The following RETREG1 variants were observed in gnomAD, a reference collection of about 807,000 sequenced individuals.
RETREG1 encodes the protein reticulophagy regulator 1.
RETREG1 carries 44 observed loss-of-function variants against 54.8 expected under a neutral mutation model. That is an observed-to-expected ratio of 0.80 (90% confidence interval 0.63 to 1.03). The LOEUF is 1.03. RETREG1 is among the 50% of genes least tolerant of loss of function. RETREG1 has a pLI of 0.00. For synonymous variants in RETREG1, 217 were observed against 238.5 expected, an observed-to-expected ratio of 0.91 and a Z score of 0.83; for missense variants, 554 against 605.1, an observed-to-expected ratio of 0.92 and a Z score of 0.89.
chr5:16,475,227 G>C lies in RETREG1; in HGVS notation c.1008C>G (p.Asp336Glu), dbSNP rs751914179. 3 of 1,611,726 alleles carry C rather than the reference G, an allele frequency of 1.9e-6. No homozygotes were observed. The highest frequency in any genetic ancestry group is 2.5e-6 in the Non-Finnish European group (3 of 1,179,746). ...TAGAGAAAACTTCCTCACTGGGTCG[G>C]TCAAGATCTGTGAAATGGATAACAG... The part of the protein sequence containing the change: ...TPQTDTSDDL[D>E]RPSEEVFSRD... The change falls in exon 9 of 9, where the codon GAC becomes GAG. Residue 336 changes from aspartate (D) to glutamate (E), a missense_variant. Physicochemically the swap from Asp to Glu is conservative, Grantham distance 45. Around this residue, in one of 4 missense-constraint regions of RETREG1, gnomAD observed 347 missense variants for 412.3 expected, o/e 0.84. Coordinates refer to ENST00000306320, the MANE Select transcript of RETREG1 (RefSeq NM_001034850.3).
intron 3 of RETREG1, among the ~76,000 whole-genome samples, chr5:16,505,959 G>A (rs1739936522): frequency 6.6e-6 from 1 of 152,206 alleles, no homozygotes; most frequent in East Asian, 1.9e-4. Flanking sequence ...AGGGCATGGA[G>A]TCTCCAGAGG....
At chr5:16,534,243 C>T (rs186157962) in intron 3 of RETREG1, among the ~76,000 whole-genome samples, 25 of 152,324 alleles carry the variant, frequency 1.6e-4, no homozygotes, top group African/African-American at 6.0e-4. Flanking sequence ...CATGCCACTA[C>T]ACTCCAGCCT....
intron 3 of RETREG1, among the ~76,000 whole-genome samples, chr5:16,508,110 A>G (rs2126563092): frequency 6.6e-6 from 1 of 152,358 alleles, no homozygotes; most frequent in East Asian, 1.9e-4. Flanking sequence ...ATTTTCAACA[A>G]TAGGAACTGT....
In RETREG1 at chr5:16,572,058, A is replaced by T. The variant is rs1358489506; in HGVS notation, c.365T>A (p.Val122Asp). ...TPWRVYHLIS[V>D]MILGRVIMQI... ...CATAATAACACGCCCAAGTATCATG[A>T]CGGAAATCAGGTGATATACTCTCCA... Residue 122 changes from valine (V) to aspartate (D), a missense_variant, in exon 2 of 9, where the codon GTC (valine) becomes GAC (aspartate). By Grantham distance (152) the Val-to-Asp change is radical. This residue lies in a region of RETREG1 where 347 missense variants were observed against 412.3 expected (regional missense o/e 0.84). Coordinates refer to ENST00000306320, the MANE Select transcript of RETREG1 (RefSeq NM_001034850.3). 1.2e-6 allele frequency: 2 copies of T among 1,613,998 alleles called. No individual in the cohort carries two copies. Among genetic ancestry groups the T allele is most frequent in the Non-Finnish European group, 1.7e-6 (2 of 1,179,862 alleles).
At chr5:16,602,261 T>C (rs1442411565) in intron 1 of RETREG1, among the ~76,000 whole-genome samples, 1 of 152,144 alleles carries the variant, frequency 6.6e-6, no homozygotes, top group African/African-American at 2.4e-5. Flanking sequence ...CCATTCAGGA[T>C]GTTGACTTTG....
At chr5:16,520,331 G>GA (rs1561101936) in intron 3 of RETREG1, among the ~76,000 whole-genome samples, 1 of 151,496 alleles carries the variant, frequency 6.6e-6, no homozygotes, top group African/African-American at 2.4e-5. Flanking sequence ...TTTTTTTGTT[G>GA]TTGTTGTTGT....
rs1742820453 is a variant in RETREG1 at position 16,593,097 on chromosome 5, A to G, written c.321-20995T>C. On this transcript the variant is annotated intron_variant, in intron 1 of 8. Transcript: ENST00000306320. This position sits in a 1 kb window ranked among gnomAD's most constrained non-coding sequence, Gnocchi z 4.9. ...TTGACAAAAGGCGTTTGCTTCCTAA[A>G]GCTCGGCAAAGGCACAACAGTGAAC... 6.6e-6 allele frequency among the ~76,000 whole-genome samples: 1 copy of G among 152,216 alleles called. No individual in the cohort carries two copies. The highest frequency in any genetic ancestry group is 1.5e-5 in the Non-Finnish European group (1 of 68,038).
intron 4 of RETREG1, 124 bp from the exon 5 acceptor site, chr5:16,481,217 AT>A: frequency 1.3e-6 from 1 of 759,136 alleles, no homozygotes; most frequent in Non-Finnish European, 2.3e-6. Flanking sequence ...GTTATTACAG[AT>A]TTTTTCCAAA....
chr5:16,499,880 A>C (rs545917703), intron 3 of RETREG1, among the ~76,000 whole-genome samples: 1 of 152,350 alleles, frequency 6.6e-6, no homozygotes, highest in East Asian at 1.9e-4. Context: ...CCTCCCTTCC[A>C]AAGCAAAGAA....
At position 16,577,999 on chromosome 5, in the gene RETREG1, C is replaced by G. The variant is rs1434761468; in HGVS notation, c.321-5897G>C. ...TTTATCAGCAGCGTGAAAACAGACT[C>G]ATACGTTTTCTTATTCCTTTTTTTC... On this transcript the variant is annotated intron_variant, in intron 1 of 8. Coordinates refer to ENST00000306320, the MANE Select transcript of RETREG1 (RefSeq NM_001034850.3). Among the ~76,000 whole-genome samples the G allele has an allele frequency of 3.3e-5, 5 of 152,182 alleles. No homozygotes were observed. The South Asian group carries it at 8.3e-4, about 25-fold the overall frequency.
intron 1 of RETREG1, among the ~76,000 whole-genome samples, chr5:16,590,896 CAT>C (rs1742751560): frequency 2.3e-5 from 3 of 132,680 alleles, no homozygotes; most frequent in Admixed American, 7.8e-5. Flanking sequence ...CGCACACACA[CAT>C]GCACAAACAC....
At chr5:16,537,781 ATG>A (rs879560109) in intron 3 of RETREG1, among the ~76,000 whole-genome samples, 14,169 of 152,150 alleles carry the variant, frequency 0.093, 714 homozygotes, top group African/African-American at 0.13. Context: ...AGCATGCAGC[ATG>A]CAGCATGCAG....
intron 3 of RETREG1, among the ~76,000 whole-genome samples, chr5:16,489,245 T>G (rs1371309331): frequency 2.6e-5 from 4 of 151,882 alleles, no homozygotes; most frequent in Admixed American, 2.6e-4. Flanking sequence ...CTTATTTTAC[T>G]TTTATGTGTA....
chr5:16,486,599 C>T (rs1054943276), intron 3 of RETREG1, among the ~76,000 whole-genome samples: 12 of 152,320 alleles, frequency 7.9e-5, no homozygotes, highest in Non-Finnish European at 1.2e-4. Context: ...AGCCAAGACC[C>T]AAGGCCAGGA....
intron 3 of RETREG1, among the ~76,000 whole-genome samples, chr5:16,550,275 T>TA (rs5866190): frequency 0.34 from 50,148 of 148,206 alleles, 9,629 homozygotes; most frequent in Non-Finnish European, 0.43. Flanking sequence ...CTTTAAAATT[T>TA]AAAAAAAAAA....
chr5:16,504,725 C>G (rs1561093523), intron 3 of RETREG1, among the ~76,000 whole-genome samples: 1 of 152,178 alleles, frequency 6.6e-6, no homozygotes, highest in Non-Finnish European at 1.5e-5. Context: ...CCTCACTTCA[C>G]GGCTGTGTGA....
At chr5:16,518,239 T>C (rs1272542021) in intron 3 of RETREG1, among the ~76,000 whole-genome samples, 1 of 148,092 alleles carries the variant, frequency 6.8e-6, no homozygotes, top group Non-Finnish European at 1.5e-5. Flanking sequence ...TTATATATTA[T>C]ATAAGTATAT....
chr5:16,488,557 C>T (rs1739107281), intron 3 of RETREG1, among the ~76,000 whole-genome samples: 2 of 152,124 alleles, frequency 1.3e-5, no homozygotes, highest in African/African-American at 4.8e-5. Context: ...CTGGAGTCTT[C>T]AGCTGAGGCT....
intron 1 of RETREG1, among the ~76,000 whole-genome samples, chr5:16,581,521 AACACAACAC>A (rs776739958): frequency 1.3e-3 from 108 of 85,224 alleles, no homozygotes; most frequent in African/African-American, 3.4e-3. Context: ...TAAGTTCAGA[AACACAACAC>A]ACACACACAC....
Sources: gnomAD v4.1 joint callset for allele counts (sites outside exome capture counted in the v4.1 genomes callset) on GRCh38, gnomAD v4.1.1 for gene constraint, gnomAD v4.1.1 regional missense constraint, Gnocchi (gnomAD v3.1) non-coding constraint, MANE v1.5 for transcripts, NCBI Gene and HGNC (gene_info 2026-07-23, HGNC 2026-07-21) for gene names.